The following HACD2 variants were observed in gnomAD, a reference collection of about 807,000 sequenced individuals.
HACD2 encodes the protein very-long-chain (3R)-3-hydroxyacyl-CoA dehydratase 2.
Under a neutral mutation model 31.0 loss-of-function variants are expected in HACD2, and 15 were observed. That is an observed-to-expected ratio of 0.48 (90% CI 0.32 to 0.75). The LOEUF (loss-of-function observed/expected upper bound fraction) is 0.75, where lower values mean the gene tolerates loss of function less well. Among genes scored for constraint, HACD2 ranks in the 30% least tolerant of loss-of-function variants. The pLI, the probability that HACD2 is intolerant of heterozygous loss-of-function variation, is 0.03. For synonymous variants in HACD2, 115 were observed against 122.2 expected (o/e 0.94, Z 0.39); for missense variants, 283 against 313.0 (o/e 0.90, Z 0.72).
chr3:123,564,538 A>G (rs988701168), intron 3 of HACD2, among the ~76,000 whole-genome samples: 31 of 152,198 alleles, frequency 2.0e-4, no homozygotes, highest in African/African-American at 7.2e-4. Flanking sequence ...AACTTCCAAC[A>G]GTGTCCTTAG....
At chr3:123,504,865 C>T (rs112555821) in intron 4 of HACD2, among the ~76,000 whole-genome samples, 211 of 127,578 alleles carry the variant, frequency 1.7e-3, no homozygotes, top group African/African-American at 6.0e-3. Flanking sequence ...GATAATTATA[C>T]AACCAATAAC....
Position 123,572,030 on chromosome 3 carries a change from G to C in HACD2, c.274-4250C>G, listed in dbSNP as rs547789430. Reference sequence around the variant, plus strand: ...CTACATATCGTAGGACATCTAGCCAGTAGCATCTCCAGTCATTGTGGCAAT... The same window carrying C: ...CTACATATCGTAGGACATCTAGCCACTAGCATCTCCAGTCATTGTGGCAAT... On this transcript the variant is annotated intron_variant, in intron 2 of 6. Coordinates refer to ENST00000383657, the MANE Select transcript of HACD2 (RefSeq NM_198402.5). 3.9e-5 allele frequency among the ~76,000 whole-genome samples: 6 copies of C among 152,274 alleles called. No homozygotes were observed. In the East Asian group the frequency reaches 7.7e-4, roughly 20 times the overall value.
At chr3:123,509,329 C>A (rs956638984) in intron 4 of HACD2, among the ~76,000 whole-genome samples, 1 of 151,962 alleles carries the variant, frequency 6.6e-6, no homozygotes, top group Non-Finnish European at 1.5e-5. Flanking sequence ...GATCGCACGA[C>A]TGCACTCCAG....
intron 4 of HACD2, among the ~76,000 whole-genome samples, chr3:123,510,037 AAT>A (rs1476545686): frequency 2.0e-5 from 3 of 152,188 alleles, no homozygotes; most frequent in Non-Finnish European, 4.4e-5. Flanking sequence ...TTAAGTGCAT[AAT>A]TCGTTGGAAT....
intron 2 of HACD2, 76 bp from the exon 3 acceptor site, chr3:123,567,856 T>C (rs535137155): frequency 3.1e-6 from 3 of 977,880 alleles, no homozygotes; most frequent in South Asian, 3.9e-5. Flanking sequence ...TATAAACTAA[T>C]GTTTCAGTAA....
In HACD2 at chr3:123,573,871, C is replaced by A. The variant is rs553067515; in HGVS notation, c.274-6091G>T. ...AATTTCACCTTTCTTGCTATTTCCACCCCTATAATTTACTAATTCATTATT... is the reference window on the plus strand; with the variant it reads ...AATTTCACCTTTCTTGCTATTTCCAACCCTATAATTTACTAATTCATTATT... On this transcript the variant is annotated intron_variant, in intron 2 of 6. Coordinates refer to ENST00000383657, the MANE Select transcript of HACD2 (RefSeq NM_198402.5). Among the ~76,000 whole-genome samples, 14 of 152,270 alleles carry A rather than the reference C, an allele frequency of 9.2e-5. No individual in the cohort carries two copies. In the South Asian group the frequency reaches 1.5e-3, roughly 16 times the overall value.
At chr3:123,566,030 C>CG (rs2056787327) in intron 3 of HACD2, among the ~76,000 whole-genome samples, 1 of 152,124 alleles carries the variant, frequency 6.6e-6, no homozygotes, top group Admixed American at 6.5e-5. Context: ...AAGCAGACCA[C>CG]GGGACAGATG....
intron 3 of HACD2, among the ~76,000 whole-genome samples, chr3:123,534,863 T>C (rs1353485521): frequency 1.3e-5 from 2 of 150,786 alleles, no homozygotes; most frequent in Non-Finnish European, 2.9e-5. Flanking sequence ...AAATTAAAAA[T>C]AGGAGAAAGC....
intron 4 of HACD2, among the ~76,000 whole-genome samples, chr3:123,527,120 T>A (rs1485735718): frequency 6.6e-6 from 1 of 152,230 alleles, no homozygotes; most frequent in African/African-American, 2.4e-5. Context: ...TATTTAAGAA[T>A]GTAAATGAGT....
intron 6 of HACD2, among the ~76,000 whole-genome samples, chr3:123,496,574 A>G (rs1299201481): frequency 6.6e-6 from 1 of 152,218 alleles, no homozygotes; most frequent in East Asian, 1.9e-4. Flanking sequence ...CGTTCACAGA[A>G]AAGACCCCAC....
At chr3:123,560,782 G>A (rs1172262097) in intron 3 of HACD2, among the ~76,000 whole-genome samples, 2 of 150,348 alleles carry the variant, frequency 1.3e-5, no homozygotes, top group African/African-American at 4.8e-5. Flanking sequence ...ATTCCTTTTT[G>A]TCTCTTTCTT....
At chr3:123,567,566 G>A (rs2056805121) in intron 3 of HACD2, among the ~76,000 whole-genome samples, 196 bp downstream of exon 3, 2 of 152,180 alleles carry the variant, frequency 1.3e-5, no homozygotes, top group South Asian at 4.1e-4. Flanking sequence ...CTTTAATAAA[G>A]TGTTCAGTCA....
chr3:123,546,895 G>A (rs560039526), intron 3 of HACD2, among the ~76,000 whole-genome samples: 1 of 152,236 alleles, frequency 6.6e-6, no homozygotes, highest in Admixed American at 6.5e-5. Flanking sequence ...AAAAAATATG[G>A]TGGAAATTTG....
intron 2 of HACD2, among the ~76,000 whole-genome samples, chr3:123,579,891 A>G (rs1324733128): frequency 6.6e-6 from 1 of 152,228 alleles, no homozygotes; most frequent in Non-Finnish European, 1.5e-5. Flanking sequence ...AATTTAGGGT[A>G]GTAAGGGACT....
chr3:123,542,103 C>T (rs1241052534), intron 3 of HACD2, among the ~76,000 whole-genome samples: 3 of 132,452 alleles, frequency 2.3e-5, no homozygotes, highest in African/African-American at 5.7e-5. Flanking sequence ...GCCGAGATCC[C>T]GCCACTGCAC....
At chr3:123,565,112 G>T (rs2056776720) in intron 3 of HACD2, among the ~76,000 whole-genome samples, 1 of 152,142 alleles carries the variant, frequency 6.6e-6, no homozygotes. Flanking sequence ...CACCTGGTAT[G>T]CACACGTGCT....
chr3:123,512,290 A>T (rs760494922), intron 4 of HACD2, among the ~76,000 whole-genome samples: 1 of 152,248 alleles, frequency 6.6e-6, no homozygotes, highest in Non-Finnish European at 1.5e-5. Context: ...AAAGAAACGC[A>T]TAAACACAAA....
In HACD2 at chr3:123,575,938, T is replaced by A. The variant is rs112712222; in HGVS notation, c.273+6274A>T. Among the ~76,000 whole-genome samples the A allele has an allele frequency of 3.7e-3, 563 of 152,366 alleles. 3 individuals are homozygous for A. The highest frequency in any genetic ancestry group is 0.013 in the African/African-American group (538 of 41,592). ...CAAAGTTTTCTATAACTTTTCTCCC[T>A]GATTATTTATAAGCTGTATATTCCA... On this transcript the variant is annotated intron_variant, in intron 2 of 6. Coordinates refer to ENST00000383657, the MANE Select transcript of HACD2 (RefSeq NM_198402.5).
intron 6 of HACD2, among the ~76,000 whole-genome samples, chr3:123,496,123 A>G (rs562347289): frequency 6.6e-6 from 1 of 152,306 alleles, no homozygotes; most frequent in South Asian, 2.1e-4. Flanking sequence ...TCCTGGGCTC[A>G]GTCAATCCTC....
Sources: allele counts gnomAD v4.1 joint callset (sites outside exome capture counted in the v4.1 genomes callset), GRCh38; gene constraint gnomAD v4.1.1; transcripts MANE v1.5; gene names NCBI Gene and HGNC (gene_info 2026-07-23, HGNC 2026-07-21).